Variants in CNNM2 observed in about 807,000 individuals in gnomAD.
CNNM2 encodes the protein cyclin and CBS domain divalent metal cation transport mediator 2.
A neutral mutation model predicts 66.9 loss-of-function variants in CNNM2; 12 were observed. The observed-to-expected ratio is 0.18, with a 90% CI of 0.11 to 0.29. The LOEUF (loss-of-function observed/expected upper bound fraction) is 0.29, where lower values mean the gene tolerates loss of function less well. CNNM2 is among the 10% of genes least tolerant of loss of function. The pLI is 1.00. For synonymous variants in CNNM2, 557 were observed against 501.8 expected, an observed-to-expected ratio of 1.11 and a Z score of -1.47; for missense variants, 705 against 1,167.7, an observed-to-expected ratio of 0.60 and a Z score of 5.77.
intron 1 of CNNM2, among the ~76,000 whole-genome samples, chr10:103,016,977 C>CT (rs1174605417): frequency 5.3e-5 from 8 of 149,626 alleles, no homozygotes; most frequent in African/African-American, 1.8e-4. Context: ...AGTTTTGTTT[C>CT]CTTTTTTTTT....
At chr10:102,933,593 G>A (rs1331221288) in intron 1 of CNNM2, among the ~76,000 whole-genome samples, 1 of 151,904 alleles carries the variant, frequency 6.6e-6, no homozygotes, top group African/African-American at 2.4e-5. Flanking sequence ...TGCTTGTAGT[G>A]GATTTTGTTT....
At chr10:102,945,443 T>C (rs1846582604) in intron 1 of CNNM2, among the ~76,000 whole-genome samples, 1 of 152,196 alleles carries the variant, frequency 6.6e-6, no homozygotes. Flanking sequence ...AGTATAACTT[T>C]TTTGCAAGTA....
chr10:102,968,036 A>G (rs780151477), intron 1 of CNNM2, among the ~76,000 whole-genome samples: 29 of 152,158 alleles, frequency 1.9e-4, no homozygotes, highest in Non-Finnish European at 3.5e-4. Flanking sequence ...GGGCACTTGC[A>G]TGAAGTCTTT....
chr10:103,066,240 C>T (rs1395326817), intron 4 of CNNM2, among the ~76,000 whole-genome samples: 1 of 152,052 alleles, frequency 6.6e-6, no homozygotes, highest in Non-Finnish European at 1.5e-5. Context: ...CTCTCAGTCA[C>T]GGGCTGAGCT....
In CNNM2 at chr10:103,086,675, T is replaced by G. The variant is rs1342936436; in HGVS notation, c.*9495T>G. The G allele has an allele frequency of 6.6e-6, 1 of 152,248 alleles. No individual in the cohort carries two copies. Among genetic ancestry groups the G allele is most frequent in the Non-Finnish European group, 1.5e-5 (1 of 68,048 alleles). 9.4% of individuals were successfully genotyped at this position (152,248 alleles called of 1,614,324 possible). On this transcript the variant is annotated 3_prime_UTR_variant, in exon 8 of 8. Coordinates refer to ENST00000369878, the MANE Select transcript of CNNM2 (RefSeq NM_017649.5). The stretch of plus-strand genomic sequence containing the variant: ...AAGTGGTTTCTTAACAATGCTAATG[T>G]GACTTAAGGATTTGTAGTTCTATTA...
chr10:102,985,000 T>G (rs2063774144), intron 1 of CNNM2, among the ~76,000 whole-genome samples: 1 of 152,170 alleles, frequency 6.6e-6, no homozygotes, highest in Non-Finnish European at 1.5e-5. Flanking sequence ...GACTGAATTT[T>G]GCTAATATTT....
At chr10:102,930,931 C>T (rs1329631939) in intron 1 of CNNM2, among the ~76,000 whole-genome samples, 2 of 152,146 alleles carry the variant, frequency 1.3e-5, no homozygotes, top group Non-Finnish European at 2.9e-5. Flanking sequence ...GTTGTTTATC[C>T]ACTCATCAGT....
rs1221263862 is a variant in CNNM2 at position 103,079,049 on chromosome 10, G to C, written c.*1869G>C. The C allele has an allele frequency of 6.6e-6, 1 of 152,258 alleles. No homozygotes were observed. The highest frequency in any genetic ancestry group is 1.5e-5 in the Non-Finnish European group (1 of 68,090). The allele number at this position is 152,258 out of a possible 1,614,324, so 9.4% of individuals were successfully genotyped here. ...AGGGTCACAGGGACCCCCCGAGGGT[G>C]CTGAGTGGCCTGCTACTGGCACGCA... On this transcript the variant is annotated 3_prime_UTR_variant, in exon 8 of 8. Transcript: ENST00000369878.
intron 1 of CNNM2, among the ~76,000 whole-genome samples, chr10:103,044,428 C>T (rs756954023): frequency 3.9e-5 from 6 of 151,904 alleles, no homozygotes; most frequent in Non-Finnish European, 7.4e-5. Context: ...TGGTGGTGCA[C>T]GCCTATAGTC....
chr10:102,927,326 C>G, intron 1 of CNNM2: 1 of 1,613,680 alleles, frequency 6.2e-7, no homozygotes, highest in Non-Finnish European at 8.5e-7. Context: ...GTCTTTTCAT[C>G]TCTTTTTGTT....
chr10:102,963,125 A>G (rs925349170), intron 1 of CNNM2, among the ~76,000 whole-genome samples: 1 of 152,204 alleles, frequency 6.6e-6, no homozygotes, highest in African/African-American at 2.4e-5. Context: ...CTTTGATGAG[A>G]ACTTTGGCAC....
At chr10:103,036,999 T>A (rs1032292293) in intron 1 of CNNM2, among the ~76,000 whole-genome samples, 1 of 152,152 alleles carries the variant, frequency 6.6e-6, no homozygotes, top group Admixed American at 6.6e-5. Context: ...TTTTGCAAGA[T>A]GTTACCATTG....
chr10:102,999,656 C>A (rs542086572), intron 1 of CNNM2, among the ~76,000 whole-genome samples: 1 of 152,088 alleles, frequency 6.6e-6, no homozygotes, highest in Non-Finnish European at 1.5e-5. Context: ...CCTTCCCCCC[C>A]CACCTCTCCG....
Position 103,076,131 on chromosome 10 carries a change from A to G in CNNM2, c.2279A>G (p.Asp760Gly). 1 of 1,611,376 alleles carries G rather than the reference A, an allele frequency of 6.2e-7. No homozygotes were observed. Among genetic ancestry groups the G allele is most frequent in the Non-Finnish European group, 8.5e-7 (1 of 1,179,010 alleles). ...CGCCCATGTGGCTTGAATCACTCAG[A>G]CTCTCTCAGTCGAAGCGACCGGATT... Reference protein sequence around the residue: ...PPRPCGLNHSDSLSRSDRIDA... With the variant: ...PPRPCGLNHSGSLSRSDRIDA... Residue 760 changes from aspartate to glycine, a missense_variant, in exon 7 of 8, where the codon GAC becomes GGC. Asp to Gly is a moderately conservative substitution (Grantham distance 94, BLOSUM62 -1). Transcript: ENST00000369878.
At chr10:102,997,918 T>G in intron 1 of CNNM2, among the ~76,000 whole-genome samples, 1 of 152,180 alleles carries the variant, frequency 6.6e-6, no homozygotes, top group East Asian at 1.9e-4. Context: ...CTGACATTAC[T>G]TCATGGTTTA....
rs187927845 is a variant in CNNM2, at chr10:102,980,060, C to T, written c.1621+59959C>T. Reference sequence around the variant, plus strand: ...TCCCAAGTAGCTGGGATTACAGGCACGTGCCACCAAGCCCAGCTAAGTTTT... The same window carrying T: ...TCCCAAGTAGCTGGGATTACAGGCATGTGCCACCAAGCCCAGCTAAGTTTT... On this transcript the variant is annotated intron_variant, in intron 1 of 7. Coordinates refer to ENST00000369878, the MANE Select transcript of CNNM2 (RefSeq NM_017649.5). Among the ~76,000 whole-genome samples the T allele has an allele frequency of 1.4e-4, 22 of 152,102 alleles. No homozygotes were observed. In the South Asian group the frequency reaches 3.5e-3, roughly 24 times the overall value.
intron 1 of CNNM2, among the ~76,000 whole-genome samples, chr10:102,935,217 G>C (rs1204029672): frequency 6.7e-6 from 1 of 150,364 alleles, no homozygotes; most frequent in African/African-American, 2.5e-5. Flanking sequence ...TGTAATCCTA[G>C]CGCTAACTTT....
chr10:102,963,982 T>C (rs1389654845), intron 1 of CNNM2, among the ~76,000 whole-genome samples: 1 of 152,194 alleles, frequency 6.6e-6, no homozygotes, highest in Non-Finnish European at 1.5e-5. Flanking sequence ...GAGAAACAAA[T>C]GGTCCCTTGC....
In CNNM2 at chr10:102,960,299, A is replaced by T. The variant is rs539301899; in HGVS notation, c.1621+40198A>T. 2.0e-5 allele frequency among the ~76,000 whole-genome samples: 3 copies of T among 152,312 alleles called. No individual in the cohort carries two copies. In the East Asian group the frequency reaches 5.8e-4, roughly 29 times the overall value. On this transcript the variant is annotated intron_variant, in intron 1 of 7. Transcript: ENST00000369878. Reference sequence around the variant, plus strand: ...TACCACTTTTTCAGTTCTAATGTGCATACTGTTGTACACTGGTACCTACTG... The same window carrying T: ...TACCACTTTTTCAGTTCTAATGTGCTTACTGTTGTACACTGGTACCTACTG...
Sources: gnomAD v4.1 joint callset for allele counts (sites outside exome capture counted in the v4.1 genomes callset) on GRCh38, gnomAD v4.1.1 for gene constraint, MANE v1.5 for transcripts, NCBI Gene and HGNC (gene_info 2026-07-23, HGNC 2026-07-21) for gene names.